LINGO2: variants seen among roughly 807,000 people sequenced by gnomAD.
LINGO2 encodes the protein leucine-rich repeat and immunoglobulin-like domain-containing nogo receptor-interacting protein 2.
A neutral mutation model predicts 30.6 loss-of-function variants in LINGO2; 14 were observed. The observed-to-expected ratio is 0.46, with a 90% CI of 0.30 to 0.72. The LOEUF is 0.72. Among genes scored for constraint, LINGO2 ranks in the 30% least tolerant of loss-of-function variants. The pLI, the probability that LINGO2 is intolerant of heterozygous loss-of-function variation, is 0.07. For synonymous variants in LINGO2, 317 were observed against 288.5 expected (o/e 1.10, Z -1.00); for missense variants, 729 against 751.7 (o/e 0.97, Z 0.35).
intron 1 of LINGO2, among the ~76,000 whole-genome samples, chr9:28,561,889 A>G (rs1344805246): frequency 6.6e-6 from 1 of 151,070 alleles, no homozygotes; most frequent in Non-Finnish European, 1.5e-5. Context: ...CACTGCACAC[A>G]GATCTGTGGT....
the LINGO2 span, among the ~76,000 whole-genome samples, chr9:28,785,390 A>G: frequency 4.5e-4 from 69 of 152,306 alleles, no homozygotes; most frequent in East Asian, 0.012. Context: ...ACCTCATATC[A>G]ACTCTCATTT....
chr9:28,298,383 G>A (rs1824002612), intron 3 of LINGO2, among the ~76,000 whole-genome samples: 1 of 151,218 alleles, frequency 6.6e-6, no homozygotes, highest in African/African-American at 2.4e-5. Flanking sequence ...AATGAATTTG[G>A]GGCTGGGCGC....
At chr9:28,143,294 G>A (rs563127445) in intron 4 of LINGO2, among the ~76,000 whole-genome samples, 3 of 152,136 alleles carry the variant, frequency 2.0e-5, no homozygotes, top group Non-Finnish European at 2.9e-5. Context: ...GTCAAAGAAA[G>A]CACAAATGGT....
At chr9:29,139,094 G>A in the LINGO2 span, among the ~76,000 whole-genome samples, 2 of 152,090 alleles carry the variant, frequency 1.3e-5, no homozygotes, top group African/African-American at 2.4e-5. Flanking sequence ...TTATGGAGAC[G>A]CTTATAAGGC....
intron 2 of LINGO2, among the ~76,000 whole-genome samples, chr9:28,465,855 AAAGGTACTC>A (rs1226374246): frequency 6.6e-6 from 1 of 152,204 alleles, no homozygotes; most frequent in African/African-American, 2.4e-5. Flanking sequence ...GGCATATGAA[AAAGGTACTC>A]AACATCGCTG....
At chr9:28,224,300 G>A (rs996592357) in intron 4 of LINGO2, among the ~76,000 whole-genome samples, 5 of 152,132 alleles carry the variant, frequency 3.3e-5, no homozygotes, top group African/African-American at 1.2e-4. Context: ...TCCTGACCTC[G>A]TGATTTGCCC....
the LINGO2 span, among the ~76,000 whole-genome samples, chr9:28,979,787 A>C: frequency 6.6e-6 from 1 of 152,146 alleles, no homozygotes; most frequent in African/African-American, 2.4e-5. Context: ...TGCTGGACAA[A>C]ATAAATGTAA....
the LINGO2 span, among the ~76,000 whole-genome samples, chr9:28,933,614 T>C: frequency 6.6e-6 from 1 of 152,006 alleles, no homozygotes; most frequent in Non-Finnish European, 1.5e-5. Flanking sequence ...AGAATCAAAA[T>C]CCGGACAAAC....
intron 2 of LINGO2, among the ~76,000 whole-genome samples, chr9:28,439,415 G>C (rs1394141024): frequency 6.6e-6 from 1 of 151,968 alleles, no homozygotes; most frequent in East Asian, 1.9e-4. Flanking sequence ...TGCACACTGG[G>C]GTTTGGTATG....
At chr9:28,169,448 C>A (rs1224993608) in intron 4 of LINGO2, among the ~76,000 whole-genome samples, 1 of 152,032 alleles carries the variant, frequency 6.6e-6, no homozygotes, top group East Asian at 1.9e-4. Flanking sequence ...AAAAGCAAAA[C>A]CGGAAGAAAA....
At chr9:28,735,131 T>C in the LINGO2 span, among the ~76,000 whole-genome samples, 1 of 152,128 alleles carries the variant, frequency 6.6e-6, no homozygotes, top group Non-Finnish European at 1.5e-5. Flanking sequence ...TTTTCTGCAG[T>C]ATTGTTTACA....
At chr9:28,389,364 A>G (rs1055891937) in intron 2 of LINGO2, among the ~76,000 whole-genome samples, 1 of 152,174 alleles carries the variant, frequency 6.6e-6, no homozygotes, top group Non-Finnish European at 1.5e-5. Flanking sequence ...TTACTTTACA[A>G]TTTCAGAGAT....
intron 2 of LINGO2, among the ~76,000 whole-genome samples, chr9:28,439,208 T>C (rs1446654659): frequency 6.6e-6 from 1 of 150,588 alleles, no homozygotes; most frequent in African/African-American, 2.4e-5. Context: ...ACATTACATA[T>C]TATGAAATAG....
intron 4 of LINGO2, among the ~76,000 whole-genome samples, chr9:28,073,819 G>A (rs1825549323): frequency 6.6e-6 from 1 of 152,136 alleles, no homozygotes; most frequent in Admixed American, 6.6e-5. Flanking sequence ...GTTGAGGCCA[G>A]GTGTTCAAGA....
At chr9:28,927,100 C>T in the LINGO2 span, among the ~76,000 whole-genome samples, 1 of 152,100 alleles carries the variant, frequency 6.6e-6, no homozygotes, top group African/African-American at 2.4e-5. Flanking sequence ...TGTACATCTC[C>T]TGAAAAAGAG....
chr9:28,316,263 T>C (rs1205565724), intron 3 of LINGO2, among the ~76,000 whole-genome samples: 2 of 152,094 alleles, frequency 1.3e-5, no homozygotes, highest in African/African-American at 4.8e-5. Flanking sequence ...TTAATGACTG[T>C]ACAATGAAAT....
the LINGO2 span, among the ~76,000 whole-genome samples, chr9:28,884,962 TA>T: frequency 1.0e-3 from 18 of 18,006 alleles, 1 homozygote; most frequent in African/African-American, 1.5e-3. Flanking sequence ...TATAATATTT[TA>T]TATATATAAT....
chr9:29,187,127 G>A, the LINGO2 span, among the ~76,000 whole-genome samples: 5 of 152,062 alleles, frequency 3.3e-5, no homozygotes, highest in Admixed American at 2.0e-4. Context: ...AGAGCAGGTC[G>A]AGTACTCTCC....
chr9:28,973,729 A>G, the LINGO2 span, among the ~76,000 whole-genome samples: 1 of 152,152 alleles, frequency 6.6e-6, no homozygotes, highest in African/African-American at 2.4e-5. Flanking sequence ...AGACTAATAC[A>G]AGGTCATGGC....
Sources: gnomAD v4.1 joint callset for allele counts (sites outside exome capture counted in the v4.1 genomes callset) on GRCh38, gnomAD v4.1.1 for gene constraint, MANE v1.5 for transcripts, NCBI Gene and HGNC (gene_info 2026-07-23, HGNC 2026-07-21) for gene names.